The following CEP85 variants were observed in gnomAD, a reference collection of about 807,000 sequenced individuals.
The protein encoded by CEP85 is centrosomal protein 85.
In CEP85, 58 loss-of-function variants were observed where a neutral mutation model predicts 93.7. That is an observed-to-expected ratio of 0.62 (90% confidence interval 0.50 to 0.77). The LOEUF is 0.77. Ranked by LOEUF, CEP85 falls within the 30% of genes least tolerant of loss-of-function variation. The probability of loss-of-function intolerance (pLI) is 0.00; values close to 1 mark genes in which losing one functional copy is unlikely to be tolerated. For synonymous variants in CEP85, 314 were observed against 338.6 expected (o/e 0.93, Z 0.80); for missense variants, 868 against 922.0 (o/e 0.94, Z 0.76).
At chr1:26,276,800 CCTT>C (rs200701806) in intron 13 of CEP85, 40 bp downstream of exon 13, 44,871 of 1,483,650 alleles carry the variant, frequency 0.03, 820 homozygotes, top group Non-Finnish European at 0.035. Context: ...GAAGGAGGGT[CCTT>C]CTTTCTCTTC....
intron 7 of CEP85, among the ~76,000 whole-genome samples, chr1:26,260,032 G>T (rs2089782039): frequency 6.6e-6 from 1 of 152,146 alleles, no homozygotes; most frequent in Admixed American, 6.5e-5. Flanking sequence ...AGAGAAAGTT[G>T]TATGATCCCT....
At chr1:26,264,520 T>A (rs947876716) in intron 7 of CEP85, among the ~76,000 whole-genome samples, 1 of 151,956 alleles carries the variant, frequency 6.6e-6, no homozygotes, top group Non-Finnish European at 1.5e-5. Flanking sequence ...GCAATGAGAG[T>A]GAGACTCCTT....
intron 2 of CEP85, 37 bp downstream of exon 2, chr1:26,239,875 C>T: frequency 6.7e-7 from 1 of 1,500,042 alleles, no homozygotes; most frequent in Non-Finnish European, 9.3e-7. Flanking sequence ...AAATTCTGAC[C>T]TTTGTTCTGT....
intron 3 of CEP85, among the ~76,000 whole-genome samples, chr1:26,250,684 T>G (rs1443684328): frequency 6.6e-6 from 1 of 152,216 alleles, no homozygotes; most frequent in Non-Finnish European, 1.5e-5. Flanking sequence ...AGTTGGTACT[T>G]TTCTTCTTGG....
Position 26,255,192 on chromosome 1 carries a change from G to A in CEP85, c.230G>A (p.Ser77Asn). The change falls in exon 4 of 14, where the codon AGT (serine) becomes AAT (asparagine). Residue 77 changes from serine (S) to asparagine (N), a missense_variant. Transcript: ENST00000451429. Reference protein sequence around the residue: ...IAEDFCSSSGSPPFQPIKSHV... With the variant: ...IAEDFCSSSGNPPFQPIKSHV... ...CCAGATTTTTGCAGCTCAAGTGGCA[G>A]TCCTCCTTTCCAGCCCATCAAAAGC... 1.2e-6 allele frequency: 2 copies of A among 1,613,644 alleles called. No individual in the cohort carries two copies. Among genetic ancestry groups the A allele is most frequent in the African/African-American group, 1.3e-5 (1 of 75,014 alleles).
chr1:26,243,135 T>C (rs2089454162), intron 2 of CEP85, among the ~76,000 whole-genome samples: 1 of 151,292 alleles, frequency 6.6e-6, no homozygotes, highest in East Asian at 1.9e-4. Context: ...TTTCTTTTTT[T>C]TTTTTTTTTT....
intron 9 of CEP85, 88 bp downstream of exon 9, chr1:26,269,702 A>T: frequency 1.6e-5 from 15 of 916,506 alleles, no homozygotes; most frequent in Admixed American, 2.7e-5. Context: ...ACTTTGGGTG[A>T]TTTGGGAAAA....
In CEP85 at chr1:26,265,710, C is replaced by T. The variant is rs148147578; in HGVS notation, c.1342-2773C>T. On this transcript the variant is annotated intron_variant, in intron 7 of 13. Transcript: ENST00000451429. ...AGATTTTCTTCCCTGTTGTCTGTAA[C>T]TCCCACTGCAGATTATAACTTTTCT... Among the ~76,000 whole-genome samples the T allele has an allele frequency of 5.7e-3, 868 of 152,308 alleles. 7 individuals are homozygous for T. The highest frequency in any genetic ancestry group is 0.017 in the Middle Eastern group (5 of 294).
chr1:26,251,035 A>G (rs558239089), intron 3 of CEP85, among the ~76,000 whole-genome samples: 83 of 128,612 alleles, frequency 6.5e-4, no homozygotes, highest in African/African-American at 2.0e-3. Context: ...TCCGCCTCCC[A>G]TGTTCAAGTG....
Position 26,276,768 on chromosome 1 carries a change from C to A in CEP85, c.2128+8C>A. On this transcript the variant is annotated splice_region_variant and intron_variant, in intron 13 of 13. Coordinates refer to ENST00000451429, the MANE Select transcript of CEP85 (RefSeq NM_001319944.2). ...TGCTCCTGGGCATTCACTGTGAGTC[C>A]TCAGACCAGTCTGGGGCCCAGGAAG... 1 of 1,606,762 alleles carries A rather than the reference C, an allele frequency of 6.2e-7. No individual in the cohort carries two copies. The highest frequency in any genetic ancestry group is 2.2e-5 in the East Asian group (1 of 44,742).
At position 26,257,674 on chromosome 1, in the gene CEP85, C is replaced by T. The variant is rs2124585894; in HGVS notation, c.981C>T (p.Ile327=). 1 of 1,614,180 alleles carries T rather than the reference C, an allele frequency of 6.2e-7. No individual in the cohort carries two copies. Among genetic ancestry groups the T allele is most frequent in the Non-Finnish European group, 8.5e-7 (1 of 1,180,006 alleles). The change falls in exon 5 of 14, where the codon ATC becomes ATT. Residue 327 remains isoleucine (I), a synonymous_variant. Coordinates refer to ENST00000451429, the MANE Select transcript of CEP85 (RefSeq NM_001319944.2). ...CCATCTTAGAGCCAGCACAGTGGAT[C>T]AGCATCTTGAACAGTAATGAACACC... ...SLPILEPAQW[I]SILNSNEHLL...
chr1:26,252,412 A>G (rs1311184919), intron 3 of CEP85, among the ~76,000 whole-genome samples: 1 of 151,210 alleles, frequency 6.6e-6, no homozygotes, highest in African/African-American at 2.4e-5. Context: ...CATGCCTTTA[A>G]TCCCAGCTAC....
intron 3 of CEP85, among the ~76,000 whole-genome samples, chr1:26,251,134 G>A (rs2089606699): frequency 6.6e-6 from 1 of 150,752 alleles, no homozygotes; most frequent in African/African-American, 2.4e-5. Context: ...GTAGAGATGG[G>A]GTTTCACCAT....
intron 3 of CEP85, among the ~76,000 whole-genome samples, chr1:26,253,771 G>A (rs1282855410): frequency 4.0e-5 from 6 of 151,844 alleles, no homozygotes; most frequent in Non-Finnish European, 2.9e-5. Context: ...GCCGGGCATG[G>A]TGGCTCACAC....
chr1:26,247,109 G>A (rs1252250451), intron 3 of CEP85, among the ~76,000 whole-genome samples: 2 of 152,216 alleles, frequency 1.3e-5, no homozygotes, highest in Non-Finnish European at 2.9e-5. Context: ...TCTAGGTTGT[G>A]TGCTCTTTAT....
intron 2 of CEP85, among the ~76,000 whole-genome samples, chr1:26,243,724 G>A (rs909322812): frequency 6.6e-6 from 1 of 152,044 alleles, no homozygotes; most frequent in African/African-American, 2.4e-5. Context: ...CTCAGGCTTG[G>A]CGCAGTGGCT....
intron 3 of CEP85, among the ~76,000 whole-genome samples, chr1:26,253,942 C>T (rs986260046): frequency 1.3e-5 from 2 of 151,914 alleles, no homozygotes; most frequent in South Asian, 4.2e-4. Flanking sequence ...CTGCAGTGAA[C>T]TGTGATCACG....
chr1:26,277,216 C>T lies in CEP85; in HGVS notation c.2209C>T (p.Arg737Cys), dbSNP rs768166331. Residue 737 changes from arginine to cysteine, a missense_variant, in exon 14 of 14, where the codon CGT becomes TGT. Transcript: ENST00000451429. ...ACTAGAAGAGGTTCAACAGCTGCGT[C>T]GTGACATTGAGGACTTAAGGACCAC... is the stretch of plus-strand genomic sequence containing the variant. Reference protein sequence around the residue: ...RKLEEVQQLRRDIEDLRTTMS... With the variant: ...RKLEEVQQLRCDIEDLRTTMS... 1.7e-5 allele frequency: 27 copies of T among 1,614,040 alleles called. 1 individual carries two copies. The South Asian group carries it at 2.7e-4, about 16-fold the overall frequency.
intron 13 of CEP85, 124 bp downstream of exon 13, chr1:26,276,884 C>T (rs893335290): frequency 3.6e-6 from 3 of 839,054 alleles, no homozygotes; most frequent in Non-Finnish European, 5.6e-6. Flanking sequence ...GGCCACTGCC[C>T]TCTGGACATT....
Sources: allele counts gnomAD v4.1 joint callset (sites outside exome capture counted in the v4.1 genomes callset), GRCh38; gene constraint gnomAD v4.1.1; transcripts MANE v1.5; gene names NCBI Gene and HGNC (gene_info 2026-07-23, HGNC 2026-07-21).